SAMD12: variants seen among roughly 807,000 people sequenced by gnomAD.
SAMD12 encodes sterile alpha motif domain-containing protein 12.
In SAMD12, 9 loss-of-function variants were observed where a neutral mutation model predicts 15.0. The observed-to-expected ratio is 0.60, with a 90% CI of 0.36 to 1.05. SAMD12 has a LOEUF of 1.05. SAMD12 is among the 50% of genes least tolerant of loss of function. SAMD12 has a pLI of 0.01. For missense variants in SAMD12, 230 were observed against 234.2 expected, an observed-to-expected ratio of 0.98 and a Z score of 0.12; for synonymous variants, 86 against 90.1, an observed-to-expected ratio of 0.96 and a Z score of 0.25.
At chr8:118,530,229 A>G (rs1188775472) in intron 2 of SAMD12, among the ~76,000 whole-genome samples, 3 of 151,888 alleles carry the variant, frequency 2.0e-5, no homozygotes, top group African/African-American at 4.8e-5. Flanking sequence ...TCCAACTTCT[A>G]TGTTAGGTTC....
chr8:118,196,720 A>C (rs1185440707), exon 5 of SAMD12: 2 of 152,182 alleles, frequency 1.3e-5, no homozygotes, highest in African/African-American at 4.8e-5. Context: ...ACGTCAGACC[A>C]CACAAAAGAA....
intron 3 of SAMD12, among the ~76,000 whole-genome samples, chr8:118,405,996 C>G (rs1258147022): frequency 1.3e-5 from 2 of 151,972 alleles, no homozygotes. Flanking sequence ...AAAATATTTT[C>G]CACAGAAGAA....
intron 4 of SAMD12, among the ~76,000 whole-genome samples, chr8:118,300,024 TTTC>T (rs1814933173): frequency 6.7e-6 from 1 of 150,272 alleles, no homozygotes; most frequent in African/African-American, 2.5e-5. Flanking sequence ...ATTCCTTTTT[TTTC>T]TTTACTTTTT....
At chr8:118,545,548 G>A (rs1449147875) in intron 2 of SAMD12, among the ~76,000 whole-genome samples, 1 of 152,166 alleles carries the variant, frequency 6.6e-6, no homozygotes, top group African/African-American at 2.4e-5. Flanking sequence ...TCATCATTAG[G>A]ACTCCTGAAT....
At chr8:118,479,017 G>A (rs539467311) in intron 2 of SAMD12, among the ~76,000 whole-genome samples, 1 of 151,972 alleles carries the variant, frequency 6.6e-6, no homozygotes, top group East Asian at 1.9e-4. Context: ...ACAGTTAGCA[G>A]TCAATACATT....
At chr8:118,426,177 T>C (rs1235968481) in intron 3 of SAMD12, among the ~76,000 whole-genome samples, 2 of 152,240 alleles carry the variant, frequency 1.3e-5, no homozygotes, top group Non-Finnish European at 2.9e-5. Context: ...CTAGTAATGA[T>C]AATAGGTAAT....
At position 118,434,975 on chromosome 8, in the gene SAMD12, C is replaced by T. The variant is rs949978199; in HGVS notation, c.322+4857G>A. ...AAAATTAGCCGGGCGTAGTGGCGGGCGCCTGTAGTCCCAGCTACTTGGGAG... is the reference window on the plus strand; with the variant it reads ...AAAATTAGCCGGGCGTAGTGGCGGGTGCCTGTAGTCCCAGCTACTTGGGAG... On this transcript the variant is annotated intron_variant, in intron 3 of 3. Transcript: ENST00000314727. 6.1e-5 allele frequency among the ~76,000 whole-genome samples: 5 copies of T among 81,776 alleles called. 1 individual carries two copies. The highest frequency in any genetic ancestry group is 1.8e-4 in the African/African-American group (5 of 27,286). The allele number at this position is 81,776 out of a possible 152,430, so 53.6% of individuals were successfully genotyped here.
chr8:118,151,757 G>C, the SAMD12 span, among the ~76,000 whole-genome samples: 1 of 150,770 alleles, frequency 6.6e-6, no homozygotes, highest in Non-Finnish European at 1.5e-5. Flanking sequence ...ATGAACCCGG[G>C]AAGCAGAGCT....
chr8:118,332,490 C>T (rs1025037708), intron 4 of SAMD12, among the ~76,000 whole-genome samples: 5 of 152,166 alleles, frequency 3.3e-5, no homozygotes, highest in Non-Finnish European at 5.9e-5. Flanking sequence ...GTGCAGGTGT[C>T]GTTCGTTTAT....
chr8:118,547,927 A>G (rs1826178867), intron 2 of SAMD12, among the ~76,000 whole-genome samples: 1 of 152,172 alleles, frequency 6.6e-6, no homozygotes, highest in Non-Finnish European at 1.5e-5. Context: ...CTTCTGGCAT[A>G]TAGTGATAGA....
intron 2 of SAMD12, among the ~76,000 whole-genome samples, chr8:118,567,882 C>T (rs1330649109): frequency 1.3e-5 from 2 of 152,076 alleles, no homozygotes; most frequent in Non-Finnish European, 2.9e-5. Context: ...TCTTAATAGC[C>T]TACCAGCCAG....
intron 2 of SAMD12, among the ~76,000 whole-genome samples, chr8:118,527,697 T>A (rs1563910366): frequency 1.3e-5 from 2 of 152,216 alleles, no homozygotes; most frequent in Non-Finnish European, 2.9e-5. Context: ...GTTTGTTTTT[T>A]GTTTTTGGTA....
downstream of SAMD12, among the ~76,000 whole-genome samples, chr8:118,187,782 G>C (rs1277495564): frequency 6.6e-6 from 1 of 152,104 alleles, no homozygotes; most frequent in Admixed American, 6.6e-5. Flanking sequence ...AACACATCTG[G>C]TGTAGTCTTT....
intron 4 of SAMD12, among the ~76,000 whole-genome samples, chr8:118,338,359 AAT>A (rs1817184857): frequency 6.6e-6 from 1 of 152,234 alleles, no homozygotes. Context: ...ACTTTTTATT[AAT>A]AGTTTCTGCA....
rs375372227 is a variant in SAMD12, at chr8:118,412,757, A to C, written c.322+27075T>G. On this transcript the variant is annotated intron_variant, in intron 3 of 3. Transcript: ENST00000314727. ...CAGCCAAATCCTTCCTGAAATCTTA[A>C]CTCACAGAATGTAGGAAATATAATA... Among the ~76,000 whole-genome samples the C allele has an allele frequency of 2.6e-5, 4 of 152,102 alleles. No individual in the cohort carries two copies. In the South Asian group the frequency reaches 6.2e-4, roughly 24 times the overall value.
chr8:118,343,238 G>T (rs1817462695), intron 4 of SAMD12, among the ~76,000 whole-genome samples: 1 of 151,896 alleles, frequency 6.6e-6, no homozygotes, highest in South Asian at 2.1e-4. Context: ...TTAGCAAATT[G>T]GTTATAACCA....
At chr8:118,186,346 G>T (rs1340770695), downstream of SAMD12, among the ~76,000 whole-genome samples, 1 of 152,124 alleles carries the variant, frequency 6.6e-6, no homozygotes, top group East Asian at 1.9e-4. Context: ...AGTGTGTAAG[G>T]TCTCTAAAGT....
At chr8:118,548,479 G>C (rs1275989255) in intron 2 of SAMD12, among the ~76,000 whole-genome samples, 1 of 151,930 alleles carries the variant, frequency 6.6e-6, no homozygotes, top group Admixed American at 6.6e-5. Flanking sequence ...GTGTCTAGTT[G>C]TTTGGTCAAA....
At chr8:118,535,801 G>T (rs575682257) in intron 2 of SAMD12, among the ~76,000 whole-genome samples, 1 of 152,202 alleles carries the variant, frequency 6.6e-6, no homozygotes, top group Non-Finnish European at 1.5e-5. Context: ...TTGGAAAAGC[G>T]CAGTATTAGG....
Sources: gnomAD v4.1 joint callset for allele counts (sites outside exome capture counted in the v4.1 genomes callset) on GRCh38, gnomAD v4.1.1 for gene constraint, MANE v1.5 for transcripts, NCBI Gene and HGNC (gene_info 2026-07-23, HGNC 2026-07-21) for gene names.